CDH13: variants seen among roughly 807,000 people sequenced by gnomAD.
CDH13 encodes the protein cadherin 13, also known as cadherin-13.
A neutral mutation model predicts 63.8 loss-of-function variants in CDH13; 24 were observed. The observed-to-expected ratio is 0.38, with a 90% CI of 0.27 to 0.53. The LOEUF (loss-of-function observed/expected upper bound fraction) is 0.53. Among genes scored for constraint, CDH13 ranks in the 20% least tolerant of loss-of-function variants. The pLI, the probability that CDH13 is intolerant of heterozygous loss-of-function variation, is 0.85. For missense variants in CDH13, 1,049 were observed against 903.1 expected (o/e 1.16, Z -2.07); for synonymous variants, 503 against 355.3 (o/e 1.42, Z -4.67).
intron 6 of CDH13, among the ~76,000 whole-genome samples, chr16:83,395,496 C>T (rs1172025164): frequency 6.6e-6 from 1 of 152,126 alleles, no homozygotes; most frequent in Non-Finnish European, 1.5e-5. Context: ...CTTCCAGCTA[C>T]TAGGTTTGAC....
At chr16:83,164,020 C>G (rs557001026) in intron 4 of CDH13, among the ~76,000 whole-genome samples, 1 of 152,102 alleles carries the variant, frequency 6.6e-6, no homozygotes, top group Non-Finnish European at 1.5e-5. Flanking sequence ...AATAATCACA[C>G]CAACACTATA....
At chr16:83,543,486 G>A (rs2075329746) in intron 7 of CDH13, among the ~76,000 whole-genome samples, 1 of 152,218 alleles carries the variant, frequency 6.6e-6, no homozygotes, top group South Asian at 2.1e-4. Context: ...TGATTCCCCA[G>A]TGAGAATTCA....
At chr16:83,730,939 T>C (rs1910975357) in intron 10 of CDH13, among the ~76,000 whole-genome samples, 1 of 152,246 alleles carries the variant, frequency 6.6e-6, no homozygotes. Flanking sequence ...CCTGTGCTAA[T>C]TCGCTTAGGT....
At chr16:83,246,062 G>C (rs1368321944) in intron 5 of CDH13, among the ~76,000 whole-genome samples, 1 of 152,122 alleles carries the variant, frequency 6.6e-6, no homozygotes, top group African/African-American at 2.4e-5. Flanking sequence ...TGTTTGACCA[G>C]GATGTCTTTT....
intron 6 of CDH13, among the ~76,000 whole-genome samples, chr16:83,435,829 G>C (rs2072281116): frequency 6.6e-6 from 1 of 152,166 alleles, no homozygotes; most frequent in Non-Finnish European, 1.5e-5. Context: ...TTGGCTGTCT[G>C]TCTCCCTCAT....
chr16:83,653,444 G>GT (rs34068620), intron 8 of CDH13, among the ~76,000 whole-genome samples: 3 of 147,954 alleles, frequency 2.0e-5, no homozygotes, highest in African/African-American at 2.5e-5. Context: ...ATCACAAGCT[G>GT]TTTTTTTTTT....
At position 83,753,377 on chromosome 16, in the gene CDH13, C is replaced by T. The variant is rs145115881; in HGVS notation, c.1681+5127C>T. ...TGGGCAACATGGCAAAACTCCATCC[C>T]GAAAAAGAATACAAAAATTAGTCAT... On this transcript the variant is annotated intron_variant, in intron 11 of 13. Transcript: ENST00000567109. Among the ~76,000 whole-genome samples, 13 of 152,094 alleles carry T rather than the reference C, an allele frequency of 8.5e-5. No individual in the cohort carries two copies. The East Asian group carries it at 2.1e-3, about 25-fold the overall frequency.
chr16:83,107,566 A>T (rs1222174349), intron 3 of CDH13, among the ~76,000 whole-genome samples: 1 of 152,128 alleles, frequency 6.6e-6, no homozygotes, highest in East Asian at 1.9e-4. Context: ...GTTTCATCTG[A>T]AAAATAGGGA....
At chr16:82,781,113 G>T (rs1179453192) in intron 1 of CDH13, among the ~76,000 whole-genome samples, 1 of 152,150 alleles carries the variant, frequency 6.6e-6, no homozygotes, top group Non-Finnish European at 1.5e-5. Context: ...TTGCCTCTAG[G>T]TTCACTTGAG....
chr16:83,511,449 G>A (rs1160887505), intron 7 of CDH13, among the ~76,000 whole-genome samples: 1 of 149,564 alleles, frequency 6.7e-6, no homozygotes, highest in Non-Finnish European at 1.5e-5. Flanking sequence ...GGGACAGAGT[G>A]AGATTCCATC....
At chr16:82,685,908 A>T (rs1915020790) in intron 1 of CDH13, among the ~76,000 whole-genome samples, 1 of 152,212 alleles carries the variant, frequency 6.6e-6, no homozygotes, top group Non-Finnish European at 1.5e-5. Context: ...TGCTCCCTTT[A>T]GGAATGGCCG....
intron 3 of CDH13, among the ~76,000 whole-genome samples, chr16:83,086,448 T>A (rs191649461): frequency 6.6e-6 from 1 of 152,282 alleles, no homozygotes; most frequent in Non-Finnish European, 1.5e-5. Context: ...GTGACGATGG[T>A]TGTAAAGTGC....
chr16:83,313,607 G>T (rs960383909), intron 5 of CDH13, among the ~76,000 whole-genome samples: 1 of 141,816 alleles, frequency 7.1e-6, no homozygotes, highest in Non-Finnish European at 1.5e-5. Context: ...GACATGGGCA[G>T]TGCCAATAAA....
At chr16:83,620,026 G>A (rs892663461) in intron 8 of CDH13, among the ~76,000 whole-genome samples, 6 of 152,016 alleles carry the variant, frequency 3.9e-5, no homozygotes, top group Non-Finnish European at 5.9e-5. Context: ...GGAGGGGCCA[G>A]ATCTCACCCA....
At chr16:82,940,906 A>C (rs544749145) in intron 2 of CDH13, among the ~76,000 whole-genome samples, 38 of 152,288 alleles carry the variant, frequency 2.5e-4, no homozygotes, top group African/African-American at 9.1e-4. Flanking sequence ...TCAGTTATGA[A>C]AGAGGGGTAA....
rs777307004 is a variant in CDH13 at position 83,779,954 on chromosome 16, C to T, written c.1682-14C>T. 2 of 1,591,574 alleles carry T rather than the reference C, an allele frequency of 1.3e-6. No homozygotes were observed. The highest frequency in any genetic ancestry group is 2.7e-5 in the African/African-American group (2 of 74,458). ...ATACCAGTTGCATACCAACATCTTC[C>T]CTTTTTCCCACAGGCAACCCTCCCG... On this transcript the variant is annotated splice_polypyrimidine_tract_variant and intron_variant, in intron 11 of 13. Transcript: ENST00000567109.
At chr16:83,648,209 T>A (rs908967938) in intron 8 of CDH13, among the ~76,000 whole-genome samples, 7 of 152,144 alleles carry the variant, frequency 4.6e-5, no homozygotes, top group Admixed American at 4.6e-4. Context: ...GCGTGTAAAT[T>A]ACACATGTCT....
chr16:82,640,304 A>G (rs1458229758), intron 1 of CDH13, among the ~76,000 whole-genome samples: 1 of 152,122 alleles, frequency 6.6e-6, no homozygotes, highest in Non-Finnish European at 1.5e-5. Flanking sequence ...CATACATGGC[A>G]TTTTTGTCTT....
chr16:83,342,812 T>C (rs2090754635), intron 5 of CDH13, among the ~76,000 whole-genome samples: 1 of 151,742 alleles, frequency 6.6e-6, no homozygotes, highest in Admixed American at 6.6e-5. Context: ...AAGATATTTG[T>C]TATCTTTAGG....
Sources: gnomAD v4.1 joint callset for allele counts (sites outside exome capture counted in the v4.1 genomes callset) on GRCh38, gnomAD v4.1.1 for gene constraint, MANE v1.5 for transcripts, NCBI Gene and HGNC (gene_info 2026-07-23, HGNC 2026-07-21) for gene names.